EXOC2: variants seen among roughly 807,000 people sequenced by gnomAD.
EXOC2 encodes exocyst complex component 2, also known as SEC5-like 1.
In EXOC2, 70 loss-of-function variants were observed where a neutral mutation model predicts 131.8. That is an observed-to-expected ratio of 0.53 (90% CI 0.44 to 0.65). The LOEUF (loss-of-function observed/expected upper bound fraction) is 0.65, where lower values mean the gene tolerates loss of function less well. Ranked by LOEUF, EXOC2 falls within the 30% of genes least tolerant of loss-of-function variation. EXOC2 has a pLI of 0.00. For missense variants in EXOC2, 923 were observed against 1,108.6 expected, an observed-to-expected ratio of 0.83 and a Z score of 2.38; for synonymous variants, 411 against 398.4, an observed-to-expected ratio of 1.03 and a Z score of -0.38.
intron 11 of EXOC2, among the ~76,000 whole-genome samples, chr6:584,972 T>C (rs1759123545): frequency 6.6e-6 from 1 of 152,182 alleles, no homozygotes; most frequent in Admixed American, 6.5e-5. Context: ...CAGTAGGGGG[T>C]TAACCAAAGG....
chr6:559,285 T>A (rs562984394), intron 17 of EXOC2, among the ~76,000 whole-genome samples: 1 of 152,226 alleles, frequency 6.6e-6, no homozygotes, highest in Non-Finnish European at 1.5e-5. Context: ...ACAGTCATAG[T>A]GAGGCAGTGC....
At chr6:578,685 T>C (rs1394296593) in intron 11 of EXOC2, among the ~76,000 whole-genome samples, 6 of 152,216 alleles carry the variant, frequency 3.9e-5, no homozygotes, top group Non-Finnish European at 8.8e-5. Flanking sequence ...CTGTGCTAAA[T>C]AAATGCTGTG....
intron 13 of EXOC2, 134 bp downstream of exon 13, chr6:572,386 A>G (rs2127595077): frequency 1.7e-6 from 2 of 1,150,170 alleles, no homozygotes; most frequent in East Asian, 5.1e-5. Context: ...ATAATGCTTT[A>G]ACTGATTTTA....
intron 17 of EXOC2, among the ~76,000 whole-genome samples, chr6:561,405 C>A (rs1331870009): frequency 6.6e-6 from 1 of 152,094 alleles, no homozygotes; most frequent in Non-Finnish European, 1.5e-5. Flanking sequence ...CTGGAACCAG[C>A]CTTCGCTGAG....
chr6:638,924 A>G (rs749694850), intron 1 of EXOC2, among the ~76,000 whole-genome samples: 6 of 150,370 alleles, frequency 4.0e-5, no homozygotes, highest in Admixed American at 6.7e-5. Flanking sequence ...GTGAGACTCT[A>G]TCTCAAATAA....
intron 25 of EXOC2, among the ~76,000 whole-genome samples, chr6:496,473 G>A (rs936317534): frequency 2.6e-5 from 4 of 152,198 alleles, no homozygotes; most frequent in East Asian, 1.9e-4. Flanking sequence ...GAGTGGAGTC[G>A]GACCATGCAT....
intron 23 of EXOC2, 50 bp downstream of exon 23, chr6:532,419 A>C: frequency 2.8e-6 from 4 of 1,415,982 alleles, no homozygotes; most frequent in Non-Finnish European, 3.7e-6. Flanking sequence ...GCAAGTATCA[A>C]TTGATAAAAG....
intron 13 of EXOC2, among the ~76,000 whole-genome samples, chr6:569,250 CTAT>C (rs1179782823): frequency 2.6e-5 from 4 of 152,216 alleles, no homozygotes; most frequent in African/African-American, 9.7e-5. Context: ...TCTTAACCTA[CTAT>C]TAACCATTTC....
At chr6:538,517 G>A (rs536699187) in intron 22 of EXOC2, among the ~76,000 whole-genome samples, 4 of 152,264 alleles carry the variant, frequency 2.6e-5, no homozygotes, top group Middle Eastern at 3.4e-3. Context: ...AAACAGAGAC[G>A]GAGCGCTAAA....
intron 23 of EXOC2, among the ~76,000 whole-genome samples, chr6:521,422 G>A (rs1423346998): frequency 1.3e-5 from 2 of 152,210 alleles, no homozygotes; most frequent in African/African-American, 4.8e-5. Flanking sequence ...TGTTCATGAT[G>A]GTAGCCTTAA....
intron 6 of EXOC2, among the ~76,000 whole-genome samples, chr6:612,228 G>T (rs1213627215): frequency 6.6e-6 from 1 of 152,172 alleles, no homozygotes; most frequent in South Asian, 2.1e-4. Flanking sequence ...GGCCACATAC[G>T]GCCTCTATCA....
At chr6:504,307 G>A (rs1764400531) in intron 23 of EXOC2, among the ~76,000 whole-genome samples, 1 of 152,354 alleles carries the variant, frequency 6.6e-6, no homozygotes, top group Non-Finnish European at 1.5e-5. Context: ...GGCCGTCAGA[G>A]AGGGGCTCCG....
chr6:633,022 C>T lies in EXOC2; in HGVS notation c.214G>A (p.Gly72Arg), dbSNP rs1479517377. 1.2e-6 allele frequency: 2 copies of T among 1,614,134 alleles called. No individual in the cohort carries two copies. Reference sequence around the variant, plus strand: ...GACTTAGTGGTGACAATAATGTCTCCTTTGTCATTTTTGGCTTGTCCCACT... The same window carrying T: ...GACTTAGTGGTGACAATAATGTCTCTTTTGTCATTTTTGGCTTGTCCCACT... Reference protein sequence around the residue: ...CRVGQAKNDKGDIIVTTKSGG... With the variant: ...CRVGQAKNDKRDIIVTTKSGG... The change falls in exon 3 of 28, where the codon GGA (glycine) becomes AGA (arginine). Residue 72 changes from glycine (G) to arginine (R), a missense_variant. Physicochemically the swap from Gly to Arg is moderately radical, Grantham distance 125. Coordinates refer to ENST00000230449, the MANE Select transcript of EXOC2 (RefSeq NM_018303.6).
chr6:657,363 CGT>C (rs1434877880), intron 1 of EXOC2: 2 of 156,530 alleles, frequency 1.3e-5, no homozygotes, highest in African/African-American at 4.8e-5. Context: ...TATAGTTCCA[CGT>C]GTCTTATGAA....
At chr6:531,043 C>A (rs1451988623) in intron 23 of EXOC2, among the ~76,000 whole-genome samples, 2 of 152,206 alleles carry the variant, frequency 1.3e-5, no homozygotes, top group African/African-American at 4.8e-5. Context: ...TCCGTGGAAT[C>A]TGGTACCTGT....
intron 23 of EXOC2, among the ~76,000 whole-genome samples, chr6:515,968 G>A (rs541840519): frequency 1.3e-5 from 2 of 152,302 alleles, no homozygotes; most frequent in Admixed American, 1.3e-4. Context: ...GACTTGGTTT[G>A]TTAGGAAGTC....
intron 11 of EXOC2, among the ~76,000 whole-genome samples, chr6:580,867 G>A (rs541284295): frequency 3.8e-4 from 58 of 152,166 alleles, no homozygotes; most frequent in Admixed American, 6.5e-4. Context: ...ATCACTGTTC[G>A]TACAGTTTTG....
chr6:672,262 C>T (rs1763910420), intron 1 of EXOC2, among the ~76,000 whole-genome samples: 2 of 152,142 alleles, frequency 1.3e-5, no homozygotes, highest in South Asian at 4.1e-4. Context: ...GTTATTTCTA[C>T]CATTTCTTTT....
At chr6:653,094 A>T (rs1460148347) in intron 1 of EXOC2, among the ~76,000 whole-genome samples, 1 of 152,158 alleles carries the variant, frequency 6.6e-6, no homozygotes, top group East Asian at 1.9e-4. Context: ...TAATTGATAA[A>T]TGTGTGTGTG....
Sources: gnomAD v4.1 joint callset for allele counts (sites outside exome capture counted in the v4.1 genomes callset) on GRCh38, gnomAD v4.1.1 for gene constraint, MANE v1.5 for transcripts, NCBI Gene and HGNC (gene_info 2026-07-23, HGNC 2026-07-21) for gene names.